Variants in CDYL observed in about 807,000 individuals in gnomAD.
CDYL encodes chromodomain Y-like protein.
A neutral mutation model predicts 47.3 loss-of-function variants in CDYL; 8 were observed. That is an observed-to-expected ratio of 0.17 (90% CI 0.10 to 0.31). The LOEUF is 0.31. Among genes scored for constraint, CDYL ranks in the 10% least tolerant of loss-of-function variants. The pLI, the probability that CDYL is intolerant of heterozygous loss-of-function variation, is 1.00. For missense variants in CDYL, 471 were observed against 701.4 expected, an observed-to-expected ratio of 0.67 and a Z score of 3.71; for synonymous variants, 266 against 265.0, an observed-to-expected ratio of 1.00 and a Z score of -0.04.
At position 4,844,942 on chromosome 6, in the gene CDYL, A is replaced by G. The variant is rs1283842373; in HGVS notation, c.25-46771A>G. Among the ~76,000 whole-genome samples, 6 of 152,278 alleles carry G rather than the reference A, an allele frequency of 3.9e-5. No individual in the cohort carries two copies. In the East Asian group the frequency reaches 1.2e-3, roughly 29 times the overall value. On this transcript the variant is annotated intron_variant, in intron 1 of 6. Transcript: ENST00000397588. ...AGTTGTCAAATAAATTGCCTTTTTC[A>G]TTCTTTTGAATCTTTTGCTAAATTT...
chr6:4,948,758 A>G (rs1266509222), intron 5 of CDYL, among the ~76,000 whole-genome samples: 2 of 152,184 alleles, frequency 1.3e-5, no homozygotes, highest in Non-Finnish European at 2.9e-5. Flanking sequence ...GCTCTAACTC[A>G]AGAGCGAAGA....
intron 3 of CDYL, among the ~76,000 whole-genome samples, chr6:4,759,443 A>G (rs912713995): frequency 2.0e-5 from 3 of 152,212 alleles, no homozygotes; most frequent in Non-Finnish European, 2.9e-5. Context: ...AGGCCCACAT[A>G]ATATTTTACT....
chr6:4,803,247 C>G (rs1759276460), intron 1 of CDYL, among the ~76,000 whole-genome samples: 1 of 152,186 alleles, frequency 6.6e-6, no homozygotes, highest in African/African-American at 2.4e-5. Context: ...TGTCAGGGTT[C>G]TTCTGCTCCC....
intron 1 of CDYL, among the ~76,000 whole-genome samples, chr6:4,863,243 G>C (rs954121414): frequency 1.3e-5 from 2 of 152,148 alleles, no homozygotes; most frequent in Admixed American, 6.5e-5. Context: ...AAAACTACCT[G>C]TTGGGTACCG....
chr6:4,865,732 AT>A (rs1329474112), intron 1 of CDYL, among the ~76,000 whole-genome samples: 4 of 152,242 alleles, frequency 2.6e-5, no homozygotes, highest in Non-Finnish European at 4.4e-5. Context: ...CAGTGATAAA[AT>A]GTATAGTTCT....
At chr6:4,854,435 TAC>T (rs1318018945) in intron 1 of CDYL, among the ~76,000 whole-genome samples, 6 of 152,336 alleles carry the variant, frequency 3.9e-5, no homozygotes, top group Non-Finnish European at 5.9e-5. Flanking sequence ...AAGGACTGTG[TAC>T]ACCCCACAGG....
intron 2 of CDYL, among the ~76,000 whole-genome samples, chr6:4,919,292 G>A (rs1757643721): frequency 6.6e-6 from 1 of 151,802 alleles, no homozygotes; most frequent in Admixed American, 6.6e-5. Flanking sequence ...CTGGCATACA[G>A]CAGTTCCAGG....
In CDYL at chr6:4,776,787, G is replaced by T. The variant is rs773558670; in HGVS notation, c.4G>T (p.Ala2Ser). The T allele has an allele frequency of 1.7e-6, 2 of 1,170,118 alleles. No individual in the cohort carries two copies. Among genetic ancestry groups the T allele is most frequent in the Non-Finnish European group, 2.2e-6 (2 of 927,112 alleles). The allele number at this position is 1,170,118 out of a possible 1,614,324, so 72.5% of individuals were successfully genotyped here. Residue 2 changes from alanine to serine, a missense_variant, in exon 1 of 7, where the codon GCT becomes TCT. By Grantham distance (99) the Ala-to-Ser change is moderately conservative. Transcript: ENST00000397588. ...GCCCGCAACTCCGCCGCCCACCATG[G>T]CTTCCGAGGAGCTGTACGAGGTACC... M[A>S]SEELYEVERI...
intron 1 of CDYL, among the ~76,000 whole-genome samples, chr6:4,806,742 C>T (rs1297641734): frequency 6.6e-6 from 1 of 152,188 alleles, no homozygotes; most frequent in African/African-American, 2.4e-5. Context: ...CAAAGAGTGC[C>T]TTTAAGTTCT....
rs116081695 is a variant in CDYL at position 4,851,164 on chromosome 6, G to C, written c.25-40549G>C. Among the ~76,000 whole-genome samples the C allele has an allele frequency of 8.9e-3, 1,357 of 152,252 alleles. 11 individuals are homozygous for C. The highest frequency in any genetic ancestry group is 0.014 in the Non-Finnish European group (920 of 68,028). ...CTTATTTAGTAGAAAGTAGTAATCT[G>C]GGTCTTCCAACTTTGAGCTCTGTGC... On this transcript the variant is annotated intron_variant, in intron 1 of 6. Coordinates refer to ENST00000397588, the MANE Select transcript of CDYL (RefSeq NM_004824.4).
intron 5 of CDYL, among the ~76,000 whole-genome samples, chr6:4,944,883 C>T (rs1165343685): frequency 6.6e-6 from 1 of 152,172 alleles, no homozygotes; most frequent in Non-Finnish European, 1.5e-5. Flanking sequence ...AGACAAAAGC[C>T]AACATGAAGC....
chr6:4,784,981 C>T (rs752351233), intron 1 of CDYL, among the ~76,000 whole-genome samples: 11 of 152,110 alleles, frequency 7.2e-5, no homozygotes, highest in Non-Finnish European at 1.3e-4. Flanking sequence ...ATTGTGAGGC[C>T]CCCCCAGCCA....
intron 3 of CDYL, among the ~76,000 whole-genome samples, chr6:4,764,995 T>G (rs1349644277): frequency 6.6e-6 from 1 of 152,184 alleles, no homozygotes; most frequent in Non-Finnish European, 1.5e-5. Flanking sequence ...GGATTGAAAT[T>G]CTACAGATTA....
At chr6:4,709,334 T>A (rs116712934) in intron 1 of CDYL, among the ~76,000 whole-genome samples, 1,681 of 152,204 alleles carry the variant, frequency 0.011, 14 homozygotes, top group Non-Finnish European at 0.018. Flanking sequence ...TAGCTGGAAT[T>A]AAAGGCACTC....
chr6:4,794,100 G>A (rs770710002), intron 1 of CDYL, among the ~76,000 whole-genome samples: 3 of 152,114 alleles, frequency 2.0e-5, no homozygotes, highest in Non-Finnish European at 2.9e-5. Flanking sequence ...AGAGCCATGA[G>A]TGCATTTAAT....
intron 1 of CDYL, among the ~76,000 whole-genome samples, chr6:4,887,384 T>G (rs1268618817): frequency 6.6e-6 from 1 of 152,198 alleles, no homozygotes; most frequent in African/African-American, 2.4e-5. Flanking sequence ...CTTTATAGTT[T>G]CCACTTTATA....
intron 1 of CDYL, among the ~76,000 whole-genome samples, chr6:4,867,510 T>G (rs1761354675): frequency 6.6e-6 from 1 of 152,128 alleles, no homozygotes; most frequent in South Asian, 2.1e-4. Flanking sequence ...TCTAATTTGT[T>G]GAGAGTTTTG....
At chr6:4,755,891 A>AT (rs966408050) in intron 3 of CDYL, among the ~76,000 whole-genome samples, 4 of 152,164 alleles carry the variant, frequency 2.6e-5, no homozygotes, top group Non-Finnish European at 5.9e-5. Flanking sequence ...AATTATTTTT[A>AT]TTTTCTCTGT....
At chr6:4,878,193 T>C (rs961836959) in intron 1 of CDYL, among the ~76,000 whole-genome samples, 5 of 152,160 alleles carry the variant, frequency 3.3e-5, no homozygotes, top group African/African-American at 4.8e-5. Context: ...TTGAGGGATA[T>C]TGGTCCATAA....
Sources: gnomAD v4.1 joint callset for allele counts (sites outside exome capture counted in the v4.1 genomes callset) on GRCh38, gnomAD v4.1.1 for gene constraint, MANE v1.5 for transcripts, NCBI Gene and HGNC (gene_info 2026-07-23, HGNC 2026-07-21) for gene names.